Variants in GRK3 observed in about 807,000 individuals in gnomAD.
GRK3 encodes the protein G protein-coupled receptor kinase 3.
GRK3 carries 54 observed loss-of-function variants against 95.7 expected under a neutral mutation model. The observed-to-expected ratio is 0.56, with a 90% confidence interval of 0.45 to 0.71. The LOEUF is 0.71. Among genes scored for constraint, GRK3 ranks in the 30% least tolerant of loss-of-function variants. GRK3 has a pLI of 0.00. For synonymous variants in GRK3, 281 were observed against 290.8 expected, an observed-to-expected ratio of 0.97 and a Z score of 0.34; for missense variants, 649 against 851.2, an observed-to-expected ratio of 0.76 and a Z score of 2.96.
chr22:25,639,586 A>T (rs970308553), intron 2 of GRK3, among the ~76,000 whole-genome samples: 1 of 152,172 alleles, frequency 6.6e-6, no homozygotes, highest in Non-Finnish European at 1.5e-5. Flanking sequence ...TGAGTCTTGA[A>T]ATTGGATAGC....
rs368017321 is a variant in GRK3, at chr22:25,644,143, T to G, written c.191-449T>G. On this transcript the variant is annotated intron_variant, in intron 2 of 20. Coordinates refer to ENST00000324198, the MANE Select transcript of GRK3 (RefSeq NM_005160.4). ...ACTAGAAGGGTTCTGGTGTTTTTTT[T>G]TTTGTTTGTTTGTTTTTTTTTTAGG... Among the ~76,000 whole-genome samples, 221 of 146,948 alleles carry G rather than the reference T, an allele frequency of 1.5e-3. 1 individual carries two copies. Among genetic ancestry groups the G allele is most frequent in the East Asian group, 0.014 (71 of 5,166 alleles).
intron 15 of GRK3, among the ~76,000 whole-genome samples, chr22:25,705,272 G>C (rs1355237922): frequency 1.3e-5 from 2 of 152,076 alleles, no homozygotes. Context: ...TTCCTCTGTA[G>C]CTTTAAATTC....
intron 1 of GRK3, among the ~76,000 whole-genome samples, chr22:25,579,212 AGTAGTG>A (rs1200014005): frequency 6.6e-6 from 1 of 150,960 alleles, no homozygotes; most frequent in East Asian, 2.0e-4. Context: ...GCTGGAGTAC[AGTAGTG>A]GTGTGATCAC....
intron 8 of GRK3, among the ~76,000 whole-genome samples, chr22:25,675,679 G>C (rs1176224182): frequency 1.3e-5 from 2 of 152,190 alleles, no homozygotes; most frequent in East Asian, 3.9e-4. Flanking sequence ...GCCTGCCTCC[G>C]GTCAGCCTCT....
intron 3 of GRK3, chr22:25,648,188 C>T: frequency 5.5e-6 from 4 of 729,434 alleles, no homozygotes; most frequent in South Asian, 1.5e-5. Flanking sequence ...GTGCTTATTC[C>T]CTCTCTATTC....
chr22:25,686,037 C>G (rs1000265953), intron 10 of GRK3, among the ~76,000 whole-genome samples: 2 of 151,820 alleles, frequency 1.3e-5, no homozygotes, highest in South Asian at 4.2e-4. Context: ...CTGGCTAACA[C>G]TGTGAAACCC....
intron 2 of GRK3, among the ~76,000 whole-genome samples, chr22:25,635,632 AT>A (rs1440694299): frequency 3.3e-5 from 5 of 152,202 alleles, no homozygotes; most frequent in Non-Finnish European, 7.3e-5. Flanking sequence ...TCAGGAGACC[AT>A]AGGTCAGATG....
Position 25,722,376 on chromosome 22 carries a change from C to T in GRK3, c.1993C>T (p.Leu665Phe). 1 of 1,614,202 alleles carries T rather than the reference C, an allele frequency of 6.2e-7. No homozygotes were observed. The highest frequency in any genetic ancestry group is 8.5e-7 in the Non-Finnish European group (1 of 1,180,032). Residue 665 changes from leucine to phenylalanine, a missense_variant, in exon 21 of 21, where the codon CTC becomes TTC. Transcript: ENST00000324198. ...QRLLRRAPKF[L>F]NKPRSGTVEL... is the part of the protein sequence containing the mutation. The stretch of plus-strand genomic sequence containing the variant: ...GCTATTGCGTCGTGCCCCGAAGTTC[C>T]TCAACAAACCTCGGTCAGGTACTGT...
At chr22:25,612,012 C>T (rs1414911550) in intron 2 of GRK3, among the ~76,000 whole-genome samples, 2 of 151,722 alleles carry the variant, frequency 1.3e-5, no homozygotes, top group Non-Finnish European at 2.9e-5. Flanking sequence ...TTTTATATTT[C>T]AGTAGAGACG....
In GRK3 at chr22:25,672,290, T is replaced by C; in HGVS notation, c.504-6T>C. On this transcript the variant is annotated splice_region_variant and splice_polypyrimidine_tract_variant and intron_variant, in intron 6 of 20. Transcript: ENST00000324198. The stretch of plus-strand genomic sequence containing the variant: ...ACTTTTTAGTAATTATTTTATTCTC[T>C]TTTAGTGACAAGTTCACTAGATTTT... 7.4e-7 allele frequency: 1 copy of C among 1,357,810 alleles called. No individual in the cohort carries two copies. The highest frequency in any genetic ancestry group is 1.0e-6 in the Non-Finnish European group (1 of 968,588). 84.1% of individuals were successfully genotyped at this position (1,357,810 alleles called of 1,614,324 possible).
chr22:25,685,997 G>A (rs1044559964), intron 10 of GRK3, among the ~76,000 whole-genome samples: 1 of 151,812 alleles, frequency 6.6e-6, no homozygotes, highest in Non-Finnish European at 1.5e-5. Flanking sequence ...GAGGCGGGCG[G>A]ATCAATGAGG....
chr22:25,613,677 C>G (rs2084515582), intron 2 of GRK3, among the ~76,000 whole-genome samples: 1 of 151,798 alleles, frequency 6.6e-6, no homozygotes, highest in Admixed American at 6.6e-5. Context: ...TCTTACAAAC[C>G]TACTGGCAAG....
chr22:25,635,577 C>G (rs1251356395), intron 2 of GRK3, among the ~76,000 whole-genome samples: 2 of 152,146 alleles, frequency 1.3e-5, no homozygotes, highest in Non-Finnish European at 2.9e-5. Context: ...TATCCCTCAG[C>G]TTTCTTTTAC....
intron 1 of GRK3, among the ~76,000 whole-genome samples, chr22:25,595,820 A>G (rs564977073): frequency 6.6e-6 from 1 of 151,948 alleles, no homozygotes; most frequent in Non-Finnish European, 1.5e-5. Flanking sequence ...GGTGGTGTGC[A>G]CTTACAGTTT....
chr22:25,720,984 A>C (rs181420459), intron 19 of GRK3, among the ~76,000 whole-genome samples: 4 of 152,216 alleles, frequency 2.6e-5, no homozygotes, highest in African/African-American at 9.6e-5. Flanking sequence ...TGAGTGTGCC[A>C]TACAGCAAGT....
Position 25,725,235 on chromosome 22 carries a change from T to A in GRK3, c.*2785T>A. 4.2e-6 allele frequency: 1 copy of A among 240,312 alleles called. No individual in the cohort carries two copies. Among genetic ancestry groups the A allele is most frequent in the Non-Finnish European group, 7.9e-6 (1 of 126,754 alleles). 14.9% of individuals were successfully genotyped at this position (240,312 alleles called of 1,614,324 possible). ...CTATTAAAAAGGTCAAAATTCAGCC[T>A]ATTTTTTTTCATTATTTTAGATTCC... is the stretch of plus-strand genomic sequence containing the variant. On this transcript the variant is annotated 3_prime_UTR_variant, in exon 21 of 21. Coordinates refer to ENST00000324198, the MANE Select transcript of GRK3 (RefSeq NM_005160.4).
chr22:25,566,907 T>TTGGG (rs1555913827), intron 1 of GRK3, among the ~76,000 whole-genome samples: 6 of 149,186 alleles, frequency 4.0e-5, no homozygotes, highest in African/African-American at 1.5e-4. Context: ...GTTTTTTTTT[T>TTGGG]GGGGGGGGCT....
chr22:25,644,227 A>G lies in GRK3; in HGVS notation c.191-365A>G, dbSNP rs1427877693. On this transcript the variant is annotated intron_variant, in intron 2 of 20. Coordinates refer to ENST00000324198, the MANE Select transcript of GRK3 (RefSeq NM_005160.4). Reference sequence around the variant, plus strand: ...ATTAGTGTCTTGGTGATTCTCACCAACACATACTGTCTGTATCTCTTATTC... The same window carrying G: ...ATTAGTGTCTTGGTGATTCTCACCAGCACATACTGTCTGTATCTCTTATTC... 4.0e-5 allele frequency among the ~76,000 whole-genome samples: 6 copies of G among 151,808 alleles called. No individual in the cohort carries two copies. In the East Asian group the frequency reaches 1.2e-3, roughly 29 times the overall value.
At chr22:25,590,204 A>G (rs1932446217) in intron 1 of GRK3, among the ~76,000 whole-genome samples, 1 of 152,252 alleles carries the variant, frequency 6.6e-6, no homozygotes, top group African/African-American at 2.4e-5. Context: ...CCTGAAAGAT[A>G]AAAACTCTTT....
Sources: gnomAD v4.1 joint callset for allele counts (sites outside exome capture counted in the v4.1 genomes callset) on GRCh38, gnomAD v4.1.1 for gene constraint, MANE v1.5 for transcripts, NCBI Gene and HGNC (gene_info 2026-07-23, HGNC 2026-07-21) for gene names.